Variants in NCEH1 observed in about 807,000 individuals in gnomAD.
The protein encoded by NCEH1 is neutral cholesterol ester hydrolase 1, also known as 2-acetyl MAGE hydrolase.
NCEH1 carries 9 observed loss-of-function variants against 25.4 expected under a neutral mutation model. The observed-to-expected ratio is 0.35, with a 90% CI of 0.21 to 0.62. The LOEUF (loss-of-function observed/expected upper bound fraction) is 0.62, where lower values mean the gene tolerates loss of function less well. Among genes scored for constraint, NCEH1 ranks in the 20% least tolerant of loss-of-function variants. NCEH1 has a pLI of 0.72. For missense variants in NCEH1, 412 were observed against 501.1 expected (o/e 0.82, Z 1.70); for synonymous variants, 200 against 199.8 (o/e 1.00, Z -0.01).
intron 1 of NCEH1, among the ~76,000 whole-genome samples, chr3:172,665,059 C>T (rs966982204): frequency 6.6e-6 from 1 of 151,878 alleles, no homozygotes; most frequent in African/African-American, 2.4e-5. Flanking sequence ...TTAGAATTTT[C>T]AGCTTTTCTG....
intron 1 of NCEH1, among the ~76,000 whole-genome samples, chr3:172,660,546 G>A (rs939861455): frequency 6.6e-6 from 1 of 152,278 alleles, no homozygotes; most frequent in South Asian, 2.1e-4. Flanking sequence ...TTGAGGAATT[G>A]CCACACTGTC....
In NCEH1 at chr3:172,638,034, C is replaced by T. The variant is rs1716674310; in HGVS notation, c.438-1947G>A. On this transcript the variant is annotated intron_variant, in intron 3 of 4. Coordinates refer to ENST00000475381, the MANE Select transcript of NCEH1 (RefSeq NM_020792.6). ...CAAGACCTGGGCGAAAGAGCAAGAC[C>T]CTGTCTCAAAATAAAATCCTGCTAG... Among the ~76,000 whole-genome samples, 6 of 152,082 alleles carry T rather than the reference C, an allele frequency of 3.9e-5. 1 individual carries two copies. The South Asian group carries it at 1.0e-3, about 26-fold the overall frequency.
chr3:172,700,107 T>C (rs563352088), intron 1 of NCEH1, among the ~76,000 whole-genome samples: 61 of 152,352 alleles, frequency 4.0e-4, no homozygotes, highest in African/African-American at 1.4e-3. Flanking sequence ...TAGCTATCAA[T>C]GTTTAAATAT....
At chr3:172,702,740 T>C (rs112803057) in intron 1 of NCEH1, among the ~76,000 whole-genome samples, 3,001 of 152,314 alleles carry the variant, frequency 0.02, 95 homozygotes, top group African/African-American at 0.068. Context: ...TCCCAGCACT[T>C]TGGGAAGCCA....
rs1205150609 is a variant in NCEH1, at chr3:172,691,234, G to A, written c.138+19613C>T. On this transcript the variant is annotated intron_variant, in intron 1 of 4. Transcript: ENST00000475381. ...CCCCAGTCCATCCTTCAGTATCCAT[G>A]TCAGACATCCCTTCCTCTATGGTGC... Among the ~76,000 whole-genome samples, 4 of 152,210 alleles carry A rather than the reference G, an allele frequency of 2.6e-5. No homozygotes were observed. In the East Asian group the frequency reaches 7.7e-4, roughly 29 times the overall value.
At chr3:172,665,684 G>A (rs1209089723) in intron 1 of NCEH1, among the ~76,000 whole-genome samples, 1 of 152,212 alleles carries the variant, frequency 6.6e-6, no homozygotes, top group East Asian at 1.9e-4. Flanking sequence ...TCAAGCCTCA[G>A]CAATGGTGGA....
chr3:172,663,351 T>C (rs996580964), intron 1 of NCEH1, among the ~76,000 whole-genome samples: 17 of 152,344 alleles, frequency 1.1e-4, no homozygotes, highest in Middle Eastern at 3.4e-3. Flanking sequence ...TCTGTTCTTT[T>C]ACATTTGCTG....
At position 172,630,980 on chromosome 3, in the gene NCEH1, ATTT is replaced by A. The variant is rs1289567465; in HGVS notation, c.*2492_*2494del. ...CAGACAATTTTACAAAAAGATTATC[ATTT>A]TTTTCATAAAATAGGAAAAGAAAGC... On this transcript the variant is annotated 3_prime_UTR_variant, in exon 5 of 5. Coordinates refer to ENST00000475381, the MANE Select transcript of NCEH1 (RefSeq NM_020792.6). 1 of 152,006 alleles carries A rather than the reference ATTT, an allele frequency of 6.6e-6. No homozygotes were observed. Among genetic ancestry groups the A allele is most frequent in the African/African-American group, 2.4e-5 (1 of 41,392 alleles). 9.4% of individuals were successfully genotyped at this position (152,006 alleles called of 1,614,324 possible).
rs140028359 is a variant in NCEH1, at chr3:172,692,143, T to C, written c.138+18704A>G. Reference sequence around the variant, plus strand: ...TCATAGCTGCCAACAACTGCAGTGTTTGTTTCAAACTTTAAACAAAGAATG... The same window carrying C: ...TCATAGCTGCCAACAACTGCAGTGTCTGTTTCAAACTTTAAACAAAGAATG... On this transcript the variant is annotated intron_variant, in intron 1 of 4. Coordinates refer to ENST00000475381, the MANE Select transcript of NCEH1 (RefSeq NM_020792.6). Among the ~76,000 whole-genome samples the C allele has an allele frequency of 2.8e-3, 425 of 152,230 alleles. 5 individuals carry two copies. Among genetic ancestry groups the C allele is most frequent in the African/African-American group, 9.7e-3 (402 of 41,550 alleles).
In NCEH1 at chr3:172,633,520, G is replaced by T; in HGVS notation, c.1182C>A (p.Ile394=). 1.2e-6 allele frequency: 2 copies of T among 1,614,038 alleles called. No individual in the cohort carries two copies. The highest frequency in any genetic ancestry group is 1.7e-6 in the Non-Finnish European group (2 of 1,179,978). The change falls in exon 5 of 5, where the codon ATC becomes ATA. Residue 394 remains isoleucine, a synonymous_variant. Transcript: ENST00000475381. ...TSWPTNFSVG[I]RTRNSYIKWL... Reference sequence around the variant, plus strand: ...ACTTGATGTAACTATTCCTAGTCCGGATTCCCACTGAGAAGTTGGTGGGCC... The same window carrying T: ...ACTTGATGTAACTATTCCTAGTCCGTATTCCCACTGAGAAGTTGGTGGGCC...
In NCEH1 at chr3:172,657,033, TTTC is replaced by T. The variant is rs1560188225; in HGVS notation, c.139-8922_139-8920del. ...CATCCCCCACTCCCCCCATTTTTAT[TTTC>T]TTTTTGTCTTTTATTGATTGGTTCT... On this transcript the variant is annotated intron_variant, in intron 1 of 4. Transcript: ENST00000475381. Among the ~76,000 whole-genome samples, 5 of 151,988 alleles carry T rather than the reference TTTC, an allele frequency of 3.3e-5. No individual in the cohort carries two copies. The South Asian group carries it at 8.3e-4, about 25-fold the overall frequency.
intron 1 of NCEH1, among the ~76,000 whole-genome samples, chr3:172,653,744 G>GTTTTTTTTTTTTT (rs796835886): frequency 4.2e-5 from 4 of 95,654 alleles, no homozygotes; most frequent in African/African-American, 1.3e-4. Context: ...TGTTTTTTTT[G>GTTTTTTTTTTTTT]TTTTTTTGTT....
chr3:172,681,259 A>G (rs1712358926), intron 1 of NCEH1: 1 of 152,162 alleles, frequency 6.6e-6, no homozygotes, highest in African/African-American at 2.4e-5. Context: ...GATCATGAAG[A>G]AAACAAAGAA....
chr3:172,658,563 G>T (rs749562673), intron 1 of NCEH1, among the ~76,000 whole-genome samples: 1 of 152,174 alleles, frequency 6.6e-6, no homozygotes, highest in Non-Finnish European at 1.5e-5. Flanking sequence ...CAATAGTAGG[G>T]TTCTCTCATT....
At chr3:172,641,950 C>A (rs1463310858) in intron 3 of NCEH1, among the ~76,000 whole-genome samples, 1 of 152,098 alleles carries the variant, frequency 6.6e-6, no homozygotes, top group Admixed American at 6.5e-5. Context: ...TTCTACTTCC[C>A]ATCACTTATC....
intron 1 of NCEH1, among the ~76,000 whole-genome samples, chr3:172,669,465 T>C (rs544054496): frequency 2.0e-5 from 3 of 152,326 alleles, no homozygotes; most frequent in East Asian, 1.9e-4. Context: ...AGAAGGAATG[T>C]TTTGTGGATG....
Position 172,633,567 on chromosome 3 carries a change from C to T in NCEH1, c.1135G>A (p.Gly379Arg), listed in dbSNP as rs752969453. 3.1e-6 allele frequency: 5 copies of T among 1,613,982 alleles called. No individual in the cohort carries two copies. Among genetic ancestry groups the T allele is most frequent in the Non-Finnish European group, 4.2e-6 (5 of 1,180,014 alleles). ...GGCCAGCTAGTGAAAATCATACATC[C>T]GTGAAAGCCATCCTCAAAGTGATCC... is the stretch of plus-strand genomic sequence containing the variant. Reference protein sequence around the residue: ...TLDHFEDGFHGCMIFTSWPTN... With the variant: ...TLDHFEDGFHRCMIFTSWPTN... Residue 379 changes from glycine to arginine, a missense_variant, in exon 5 of 5, where the codon GGA (glycine) becomes AGA (arginine). Physicochemically the swap from Gly to Arg is moderately radical, Grantham distance 125 (BLOSUM62 -2). Coordinates refer to ENST00000475381, the MANE Select transcript of NCEH1 (RefSeq NM_020792.6).
intron 1 of NCEH1, among the ~76,000 whole-genome samples, chr3:172,659,257 G>A (rs1354053960): frequency 6.6e-6 from 1 of 151,896 alleles, no homozygotes; most frequent in Non-Finnish European, 1.5e-5. Context: ...TAATTTGGCT[G>A]AAGGCAGCCA....
intron 1 of NCEH1, among the ~76,000 whole-genome samples, chr3:172,652,437 C>T (rs1303552460): frequency 1.3e-5 from 2 of 152,184 alleles, no homozygotes; most frequent in African/African-American, 4.8e-5. Flanking sequence ...CACCAAGGAT[C>T]GGGTGGAACA....
Sources: gnomAD v4.1 joint callset for allele counts (sites outside exome capture counted in the v4.1 genomes callset) on GRCh38, gnomAD v4.1.1 for gene constraint, MANE v1.5 for transcripts, NCBI Gene and HGNC (gene_info 2026-07-23, HGNC 2026-07-21) for gene names.